The following WDFY3 variants were observed in gnomAD, a reference collection of about 807,000 sequenced individuals.
WDFY3 encodes the protein WD repeat and FYVE domain containing 3.
WDFY3 carries 66 observed loss-of-function variants against 409.6 expected under a neutral mutation model. The ratio of observed to expected loss-of-function variants is 0.16; its 90% confidence interval spans 0.13 to 0.20. The LOEUF (loss-of-function observed/expected upper bound fraction) is 0.20, where lower values mean the gene tolerates loss of function less well. Among genes scored for constraint, WDFY3 ranks in the 10% least tolerant of loss-of-function variants. The pLI is 1.00. For synonymous variants in WDFY3, 1,521 were observed against 1,537.1 expected (o/e 0.99, Z 0.25); for missense variants, 3,031 against 4,298.1 (o/e 0.71, Z 8.24).
chr4:84,945,103 A>T (rs1311934199), intron 1 of WDFY3, among the ~76,000 whole-genome samples: 3 of 152,100 alleles, frequency 2.0e-5, no homozygotes, highest in Non-Finnish European at 2.9e-5. Context: ...TCAAAATACA[A>T]AGCCTCTTAG....
chr4:84,960,368 C>T (rs565458842), intron 1 of WDFY3, among the ~76,000 whole-genome samples: 9 of 152,192 alleles, frequency 5.9e-5, no homozygotes, highest in Non-Finnish European at 1.3e-4. Context: ...TACCTACCTA[C>T]AGCATCCACA....
chr4:84,879,760 C>T (rs897524883), intron 3 of WDFY3, among the ~76,000 whole-genome samples: 5 of 151,738 alleles, frequency 3.3e-5, no homozygotes, highest in Admixed American at 6.6e-5. Flanking sequence ...TCAAAATATG[C>T]GAAGAATGTC....
chr4:84,860,571 G>T lies in WDFY3; in HGVS notation c.21C>A (p.Ile7=), dbSNP rs747341884. Residue 7 remains isoleucine, a synonymous_variant, in exon 4 of 68, where the codon ATC becomes ATA. Coordinates refer to ENST00000295888, the MANE Select transcript of WDFY3 (RefSeq NM_014991.6). MNMVKR[I]MGRPRQEECS... ...ACTCCTCCTGCCTCGGCCGCCCCAT[G>T]ATCCTCTTCACCATGTTCATCTTGG... is the stretch of plus-strand genomic sequence containing the variant. The T allele has an allele frequency of 6.2e-7, 1 of 1,610,020 alleles. No homozygotes were observed. Among genetic ancestry groups the T allele is most frequent in the Non-Finnish European group, 8.5e-7 (1 of 1,177,290 alleles).
intron 45 of WDFY3, 70 bp from the exon 46 acceptor site, chr4:84,724,664 A>G: frequency 1.5e-5 from 23 of 1,542,364 alleles, no homozygotes; most frequent in Non-Finnish European, 2.0e-5. Flanking sequence ...TTCTTGAGGG[A>G]AGGTATGGTG....
intron 5 of WDFY3, among the ~76,000 whole-genome samples, chr4:84,845,885 C>G (rs1758018774): frequency 6.6e-6 from 1 of 151,630 alleles, no homozygotes; most frequent in African/African-American, 2.4e-5. Flanking sequence ...TCTAACTCTA[C>G]TCCAATTCTC....
Position 84,882,720 on chromosome 4 carries a change from T to A in WDFY3, c.-32+14191A>T, listed in dbSNP as rs549859961. Among the ~76,000 whole-genome samples the A allele has an allele frequency of 3.8e-3, 543 of 144,662 alleles. 3 individuals carry two copies. Among genetic ancestry groups the A allele is most frequent in the African/African-American group, 0.013 (493 of 38,566 alleles). The allele number at this position is 144,662 out of a possible 152,430, so 94.9% of individuals were successfully genotyped here. ...CAGAGTATTATTGTTTCACCTATAT[T>A]TTTTTTTTTTTTGAGACACAGTGTC... is the stretch of plus-strand genomic sequence containing the variant. On this transcript the variant is annotated intron_variant, in intron 3 of 67. Transcript: ENST00000295888.
chr4:84,834,824 G>C (rs2149969918), intron 7 of WDFY3, among the ~76,000 whole-genome samples: 1 of 152,298 alleles, frequency 6.6e-6, no homozygotes, highest in East Asian at 1.9e-4. Context: ...GAAACCGTCT[G>C]TCACATAATA....
rs1330895893 is a variant in WDFY3 at position 84,845,728 on chromosome 4, TAAC to T, written c.304+4171_304+4173del. On this transcript the variant is annotated intron_variant, in intron 5 of 67. Transcript: ENST00000295888. ...AAAGTCTCCATGAATGTATTTTTGA[TAAC>T]AACACTGACCAAAAGAATCTTCCAA... is the stretch of plus-strand genomic sequence containing the variant. 2.6e-5 allele frequency among the ~76,000 whole-genome samples: 4 copies of T among 152,048 alleles called. No individual in the cohort carries two copies. In the East Asian group the frequency reaches 5.8e-4, roughly 22 times the overall value.
chr4:84,758,943 C>A (rs970303557), intron 32 of WDFY3, among the ~76,000 whole-genome samples: 29 of 152,196 alleles, frequency 1.9e-4, no homozygotes, highest in African/African-American at 6.5e-4. Context: ...TTAGGTCTAA[C>A]GTTTAAGTCT....
chr4:84,866,859 G>C (rs2150269072), intron 3 of WDFY3, among the ~76,000 whole-genome samples: 1 of 152,302 alleles, frequency 6.6e-6, no homozygotes, highest in Admixed American at 6.5e-5. Flanking sequence ...CTTCAGGCCT[G>C]CTCTCTGGTA....
intron 3 of WDFY3, among the ~76,000 whole-genome samples, chr4:84,869,687 TAAAAG>T (rs1264676140): frequency 1.3e-5 from 2 of 151,908 alleles, no homozygotes; most frequent in Non-Finnish European, 2.9e-5. Context: ...ACCACAAACT[TAAAAG>T]ATAAGAAACA....
At chr4:84,808,266 C>A in intron 15 of WDFY3, 68 bp downstream of exon 15, 1 of 1,235,592 alleles carries the variant, frequency 8.1e-7, no homozygotes, top group South Asian at 1.4e-5. Flanking sequence ...AACATGTTAA[C>A]ATAAATAAGC....
rs531105064 is a variant in WDFY3, at chr4:84,669,701, T to A, written c.*3167A>T. 11 of 147,398 alleles carry A rather than the reference T, an allele frequency of 7.5e-5. No homozygotes were observed. The South Asian group carries it at 2.6e-3, about 35-fold the overall frequency. The allele number at this position is 147,398 out of a possible 1,614,324, so 9.1% of individuals were successfully genotyped here. A position where few individuals can be genotyped will look rare whatever the true frequency, so the allele number is the denominator to read the frequency against. ...CATTCAGATATCACAGACTGCACAC[T>A]AGATAGTAATTCTTCAGGTCTTTTA... On this transcript the variant is annotated 3_prime_UTR_variant, in exon 68 of 68. Transcript: ENST00000295888.
At chr4:84,841,357 A>T in intron 5 of WDFY3, 94 bp from the exon 6 acceptor site, 5 of 1,024,092 alleles carry the variant, frequency 4.9e-6, no homozygotes, top group Non-Finnish European at 5.8e-6. Flanking sequence ...AAATTTACTA[A>T]GCACATAATT....
chr4:84,741,995 A>G, intron 37 of WDFY3, 74 bp from the exon 38 acceptor site: 1 of 1,387,874 alleles, frequency 7.2e-7, no homozygotes, highest in Non-Finnish European at 9.6e-7. Flanking sequence ...CAAAAAAAAA[A>G]TCAGGCTAAG....
chr4:84,813,052 C>T (rs940696255), intron 13 of WDFY3, among the ~76,000 whole-genome samples: 5 of 151,992 alleles, frequency 3.3e-5, no homozygotes, highest in Admixed American at 3.3e-4. Flanking sequence ...CATGGAATGT[C>T]AGGTTTGTGT....
chr4:84,915,238 G>A (rs765497252), intron 2 of WDFY3, among the ~76,000 whole-genome samples: 7 of 152,158 alleles, frequency 4.6e-5, no homozygotes, highest in South Asian at 2.1e-4. Flanking sequence ...AAAAACTTCC[G>A]GAAATAGATA....
At chr4:84,892,870 GT>G (rs1353597039) in intron 3 of WDFY3, among the ~76,000 whole-genome samples, 2 of 152,196 alleles carry the variant, frequency 1.3e-5, no homozygotes, top group Non-Finnish European at 2.9e-5. Flanking sequence ...CAGGGTTGCT[GT>G]TTCAGTATGC....
chr4:84,802,255 CTTT>C (rs776901894), intron 16 of WDFY3, among the ~76,000 whole-genome samples: 4 of 137,778 alleles, frequency 2.9e-5, no homozygotes, highest in Admixed American at 2.2e-4. Context: ...CAGAAGCATA[CTTT>C]TTTTTTTTTT....
Sources: gnomAD v4.1 joint callset for allele counts (sites outside exome capture counted in the v4.1 genomes callset) on GRCh38, gnomAD v4.1.1 for gene constraint, MANE v1.5 for transcripts, NCBI Gene and HGNC (gene_info 2026-07-23, HGNC 2026-07-21) for gene names.